The following CDK19 variants were observed in gnomAD, a reference collection of about 807,000 sequenced individuals.
CDK19 encodes the protein cyclin dependent kinase 19.
Under a neutral mutation model 68.3 loss-of-function variants are expected in CDK19, and 20 were observed. The ratio of observed to expected loss-of-function variants is 0.29; its 90% CI spans 0.21 to 0.43. The LOEUF (loss-of-function observed/expected upper bound fraction) is 0.43. Ranked by LOEUF, CDK19 falls within the 20% of genes least tolerant of loss-of-function variation. CDK19 has a pLI of 1.00. For missense variants in CDK19, 339 were observed against 623.5 expected, an observed-to-expected ratio of 0.54 and a Z score of 4.86; for synonymous variants, 221 against 222.8, an observed-to-expected ratio of 0.99 and a Z score of 0.07.
chr6:110,626,702 G>T, intron 8 of CDK19, 74 bp downstream of exon 8: 1 of 897,488 alleles, frequency 1.1e-6, no homozygotes, highest in Non-Finnish European at 1.7e-6. Flanking sequence ...AATTCCTGTT[G>T]TTTATAAATT....
intron 12 of CDK19, among the ~76,000 whole-genome samples, chr6:110,618,994 TTTTCAGCGAAC>T (rs1778536402): frequency 6.6e-6 from 1 of 152,172 alleles, no homozygotes; most frequent in Non-Finnish European, 1.5e-5. Context: ...GTGAGTTGAT[TTTTCAGCGAAC>T]TTTCAGAGAG....
intron 1 of CDK19, among the ~76,000 whole-genome samples, chr6:110,812,924 G>GA (rs1427482188): frequency 1.3e-5 from 2 of 151,888 alleles, no homozygotes; most frequent in African/African-American, 4.8e-5. Context: ...CACAAGAGAC[G>GA]TGGGTGTTTA....
intron 1 of CDK19, among the ~76,000 whole-genome samples, chr6:110,797,572 G>C (rs554335140): frequency 2.0e-5 from 3 of 152,256 alleles, no homozygotes; most frequent in Admixed American, 1.3e-4. Context: ...AAAGAAAAAA[G>C]GAAGAAAGCA....
chr6:110,639,540 C>T (rs1453037547), intron 4 of CDK19, among the ~76,000 whole-genome samples: 6 of 152,184 alleles, frequency 3.9e-5, no homozygotes, highest in African/African-American at 1.4e-4. Flanking sequence ...TCCTAACCTC[C>T]AGACGCTTAC....
At chr6:110,763,179 T>A (rs1779341568) in intron 1 of CDK19, among the ~76,000 whole-genome samples, 1 of 152,164 alleles carries the variant, frequency 6.6e-6, no homozygotes, top group African/African-American at 2.4e-5. Flanking sequence ...TAAAAAACTT[T>A]TATGACCATC....
chr6:110,770,350 A>T (rs1158348385), intron 1 of CDK19, among the ~76,000 whole-genome samples: 1 of 152,228 alleles, frequency 6.6e-6, no homozygotes, highest in African/African-American at 2.4e-5. Context: ...TCAGAATCAT[A>T]GCAGGAGGCG....
At chr6:110,678,890 A>G (rs1036090558) in intron 2 of CDK19, among the ~76,000 whole-genome samples, 1 of 152,194 alleles carries the variant, frequency 6.6e-6, no homozygotes, top group Non-Finnish European at 1.5e-5. Flanking sequence ...TCCCTCCCCA[A>G]TAGTGGAAGA....
intron 2 of CDK19, among the ~76,000 whole-genome samples, chr6:110,697,472 C>T (rs180694128): frequency 2.5e-4 from 38 of 152,178 alleles, no homozygotes; most frequent in African/African-American, 8.9e-4. Flanking sequence ...AAGCTCTCCA[C>T]AAGGAAAACT....
intron 2 of CDK19, among the ~76,000 whole-genome samples, chr6:110,725,602 C>T (rs1351377586): frequency 1.3e-5 from 2 of 152,202 alleles, no homozygotes; most frequent in Middle Eastern, 3.4e-3. Flanking sequence ...CATCATCCCT[C>T]GTGCAGCCTA....
intron 4 of CDK19, among the ~76,000 whole-genome samples, chr6:110,661,047 C>T (rs1163825813): frequency 2.0e-5 from 3 of 152,170 alleles, no homozygotes; most frequent in African/African-American, 7.2e-5. Flanking sequence ...AAACTCCTCT[C>T]CTTGAGTGTG....
intron 6 of CDK19, among the ~76,000 whole-genome samples, chr6:110,628,009 A>T (rs1779198586): frequency 6.6e-6 from 1 of 152,144 alleles, no homozygotes. Flanking sequence ...CAGGAGTTCG[A>T]GACCATCCTG....
In CDK19 at chr6:110,621,450, G is replaced by A. The variant is rs2272211; in HGVS notation, c.1111-80C>T. 2 of 1,424,396 alleles carry A rather than the reference G, an allele frequency of 1.4e-6. No individual in the cohort carries two copies. The highest frequency in any genetic ancestry group is 1.9e-6 in the Non-Finnish European group (2 of 1,054,854). The allele number at this position is 1,424,396 out of a possible 1,614,324, so 88.2% of individuals were successfully genotyped here. ...TTTAATTATTTGATATGCACATGTG[G>A]CTGCTGACCAACCTGGGGGAGCAAT... On this transcript the variant is annotated intron_variant, in intron 11 of 12. Transcript: ENST00000368911. The surrounding 1 kb of genome is among the most constrained non-coding windows in gnomAD (Gnocchi z 5.4).
intron 1 of CDK19, among the ~76,000 whole-genome samples, chr6:110,777,537 T>C (rs879939315): frequency 7.9e-5 from 12 of 152,194 alleles, no homozygotes; most frequent in Admixed American, 2.6e-4. Context: ...TTGTGTACTG[T>C]TGGCAGGAGC....
chr6:110,712,188 T>C (rs1383647772), intron 2 of CDK19, among the ~76,000 whole-genome samples: 2 of 152,198 alleles, frequency 1.3e-5, no homozygotes, highest in African/African-American at 4.8e-5. Flanking sequence ...CTCCAACAGG[T>C]TTCTTGACTG....
intron 1 of CDK19, among the ~76,000 whole-genome samples, chr6:110,792,293 T>G (rs1016075621): frequency 6.6e-6 from 1 of 152,100 alleles, no homozygotes; most frequent in East Asian, 1.9e-4. Flanking sequence ...TTAATTTAAT[T>G]TGAGAAAAGA....
chr6:110,631,929 A>G, intron 6 of CDK19, 101 bp downstream of exon 6: 1 of 1,115,002 alleles, frequency 9.0e-7, no homozygotes, highest in Non-Finnish European at 1.3e-6. Flanking sequence ...ACTTTTACAA[A>G]AATGTATAAA....
At chr6:110,758,449 T>C (rs1778976894) in intron 1 of CDK19, among the ~76,000 whole-genome samples, 1 of 152,170 alleles carries the variant, frequency 6.6e-6, no homozygotes, top group African/African-American at 2.4e-5. Flanking sequence ...TATAATTAGT[T>C]AGAATTGATT....
intron 2 of CDK19, among the ~76,000 whole-genome samples, chr6:110,719,972 G>GCTCCCCCCCCCCCCCCCCCCCCC (rs1554211507): frequency 4.4e-4 from 20 of 45,520 alleles, no homozygotes; most frequent in South Asian, 8.6e-4. Context: ...CTTGTGATCC[G>GCTCCCCCCCCCCCCCCCCCCCCC]CCCCCCCCCC....
chr6:110,629,608 C>T (rs1779313470), intron 6 of CDK19, among the ~76,000 whole-genome samples: 1 of 152,200 alleles, frequency 6.6e-6, no homozygotes, highest in Admixed American at 6.5e-5. Context: ...CCTGCCTTGG[C>T]CTCCCAAAGC....
Sources: allele counts gnomAD v4.1 joint callset (sites outside exome capture counted in the v4.1 genomes callset), GRCh38; gene constraint gnomAD v4.1.1; non-coding constraint Gnocchi (gnomAD v3.1); transcripts MANE v1.5; gene names NCBI Gene and HGNC (gene_info 2026-07-23, HGNC 2026-07-21).